LRP5: variants seen among roughly 807,000 people sequenced by gnomAD.
LRP5 encodes the protein LDL receptor related protein 5, also known as low-density lipoprotein receptor-related protein 5.
A neutral mutation model predicts 154.1 loss-of-function variants in LRP5; 62 were observed. That is an observed-to-expected ratio of 0.40 (90% confidence interval 0.33 to 0.50). The LOEUF (loss-of-function observed/expected upper bound fraction) is 0.50. Ranked by LOEUF, LRP5 falls within the 20% of genes least tolerant of loss-of-function variation. The pLI is 0.55. For missense variants in LRP5, 1,915 were observed against 2,336.7 expected (o/e 0.82, Z 3.72); for synonymous variants, 966 against 1,011.5 (o/e 0.96, Z 0.85).
intron 7 of LRP5, among the ~76,000 whole-genome samples, chr11:68,397,972 T>TTGTGTGTGTGTGTGTGTG (rs113280059): frequency 0.049 from 6,922 of 142,072 alleles, 277 homozygotes; most frequent in South Asian, 0.067. Context: ...CTGTGTGTGT[T>TTGTGTGTGTGTGTGTGTG]TGTGTGTGTG....
chr11:68,348,342 G>A (rs2098615254), intron 2 of LRP5, 99 bp downstream of exon 2: 9 of 1,500,204 alleles, frequency 6.0e-6, no homozygotes, highest in Non-Finnish European at 7.3e-6. Flanking sequence ...CAGAAAAAGG[G>A]TGTGACTCTG....
At position 68,395,504 on chromosome 11, in the gene LRP5, C is replaced by T. The variant is rs950292471; in HGVS notation, c.1584+5452C>T. Among the ~76,000 whole-genome samples, 23 of 152,030 alleles carry T rather than the reference C, an allele frequency of 1.5e-4. 1 individual carries two copies. Among genetic ancestry groups the T allele is most frequent in the African/African-American group, 5.3e-4 (22 of 41,378 alleles). On this transcript the variant is annotated intron_variant, in intron 7 of 22. Transcript: ENST00000294304. Reference sequence around the variant, plus strand: ...GAGTGATGGCGCAGGGCACGGGTGTCTTTGGTGGCCAGAACTTGGGGACTG... The same window carrying T: ...GAGTGATGGCGCAGGGCACGGGTGTTTTTGGTGGCCAGAACTTGGGGACTG...
At position 68,386,170 on chromosome 11, in the gene LRP5, G is replaced by C. The variant is rs2098642873; in HGVS notation, c.1016-146G>C. ...ACGAGTGACCATGTAGCATGGGCTGGGTGCGTGTCACCTAACATCACCAGC... is the reference window on the plus strand; with the variant it reads ...ACGAGTGACCATGTAGCATGGGCTGCGTGCGTGTCACCTAACATCACCAGC... On this transcript the variant is annotated intron_variant, in intron 5 of 22. Transcript: ENST00000294304. The surrounding 1 kb of genome is among the most constrained non-coding windows in gnomAD (Gnocchi z 7.9). The C allele has an allele frequency of 1.1e-6, 1 of 890,064 alleles. No homozygotes were observed. The highest frequency in any genetic ancestry group is 1.6e-5 in the African/African-American group (1 of 60,822). 55.1% of individuals were successfully genotyped at this position (890,064 alleles called of 1,614,324 possible).
chr11:68,316,559 A>C (rs2098593517), intron 1 of LRP5, among the ~76,000 whole-genome samples: 1 of 152,246 alleles, frequency 6.6e-6, no homozygotes, highest in South Asian at 2.1e-4. Context: ...GGTGTGAGCC[A>C]TCACGCCCGG....
Position 68,403,790 on chromosome 11 carries a change from C to T in LRP5, c.1801+91C>T, listed in dbSNP as rs1591284955. On this transcript the variant is annotated intron_variant, in intron 8 of 22. Coordinates refer to ENST00000294304, the MANE Select transcript of LRP5 (RefSeq NM_002335.4). Reference sequence around the variant, plus strand: ...TCCATGCCTGGGCATAAGTGTTGAGCTCAGGTGCCCCGACCTGGGGAAGGG... The same window carrying T: ...TCCATGCCTGGGCATAAGTGTTGAGTTCAGGTGCCCCGACCTGGGGAAGGG... The T allele has an allele frequency of 3.6e-5, 54 of 1,496,118 alleles. 3 individuals are homozygous for T. The South Asian group carries it at 6.2e-4, about 17-fold the overall frequency. 92.7% of individuals were successfully genotyped at this position (1,496,118 alleles called of 1,614,324 possible). A position where few individuals can be genotyped will look rare whatever the true frequency, so the allele number is the denominator to read the frequency against.
At chr11:68,312,888 G>A in intron 1 of LRP5, 83 bp downstream of exon 1, 2 of 781,292 alleles carry the variant, frequency 2.6e-6, no homozygotes, top group East Asian at 1.2e-4. Context: ...CGCGGGCGCC[G>A]CCGCCGTCTC....
upstream of LRP5, among the ~76,000 whole-genome samples, chr11:68,310,429 G>A (rs1407093849): frequency 6.6e-6 from 1 of 152,210 alleles, no homozygotes; most frequent in Non-Finnish European, 1.5e-5. Context: ...AGACCAGCCA[G>A]ACCAACATGG....
At chr11:68,377,685 A>G (rs938459414) in intron 5 of LRP5, among the ~76,000 whole-genome samples, 2 of 152,188 alleles carry the variant, frequency 1.3e-5, no homozygotes, top group African/African-American at 2.4e-5. Flanking sequence ...CGCAGTGGAC[A>G]GTGGCCTGCA....
chr11:68,349,434 C>T (rs1221870204), intron 2 of LRP5, among the ~76,000 whole-genome samples: 1 of 152,150 alleles, frequency 6.6e-6, no homozygotes, highest in Non-Finnish European at 1.5e-5. Context: ...GTATGGTGGG[C>T]GGCCTGGGAA....
At chr11:68,300,224 G>T in the LRP5 span, among the ~76,000 whole-genome samples, 1 of 149,102 alleles carries the variant, frequency 6.7e-6, no homozygotes, top group Non-Finnish European at 1.5e-5. Context: ...AGAATCCCGT[G>T]GCGTTTACAA....
intron 22 of LRP5, 148 bp downstream of exon 22, chr11:68,446,681 C>T: frequency 1.4e-6 from 1 of 737,410 alleles, no homozygotes; most frequent in Non-Finnish European, 2.4e-6. Flanking sequence ...TCTGCTCTGC[C>T]AACCACACTA....
intron 1 of LRP5, among the ~76,000 whole-genome samples, chr11:68,326,503 G>A (rs1362020320): frequency 6.6e-6 from 1 of 152,200 alleles, no homozygotes; most frequent in African/African-American, 2.4e-5. Flanking sequence ...CTGCCCACCC[G>A]TCTTCCCTCG....
the LRP5 span, among the ~76,000 whole-genome samples, chr11:68,303,251 C>T: frequency 6.6e-6 from 1 of 152,160 alleles, no homozygotes; most frequent in Non-Finnish European, 1.5e-5. Context: ...CTTGCCTCAG[C>T]CTCCCGATTA....
At chr11:68,391,144 T>A (rs1478129321) in intron 7 of LRP5, among the ~76,000 whole-genome samples, 1 of 152,190 alleles carries the variant, frequency 6.6e-6, no homozygotes, top group Non-Finnish European at 1.5e-5. Flanking sequence ...AAATTTTGTA[T>A]TTTTAGTAGA....
chr11:68,323,104 TTTGA>T (rs1401800961), intron 1 of LRP5, among the ~76,000 whole-genome samples: 1 of 152,172 alleles, frequency 6.6e-6, no homozygotes, highest in Non-Finnish European at 1.5e-5. Flanking sequence ...TCTTGGTGGT[TTTGA>T]TTGATTTATT....
At chr11:68,320,910 G>A (rs1222738541) in intron 1 of LRP5, among the ~76,000 whole-genome samples, 1 of 151,990 alleles carries the variant, frequency 6.6e-6, no homozygotes, top group East Asian at 1.9e-4. Context: ...ATATTAAGAA[G>A]CTTCATATAA....
chr11:68,311,068 A>G (rs2098587487), upstream of LRP5, among the ~76,000 whole-genome samples: 1 of 152,106 alleles, frequency 6.6e-6, no homozygotes, highest in Non-Finnish European at 1.5e-5. Context: ...TGAGTGGGTG[A>G]CAGGTGGCAG....
At chr11:68,344,047 C>T (rs145895068) in intron 1 of LRP5, among the ~76,000 whole-genome samples, 5 of 152,132 alleles carry the variant, frequency 3.3e-5, no homozygotes, top group Non-Finnish European at 7.4e-5. Flanking sequence ...TTCCCCCGCC[C>T]GAGGGACTTC....
chr11:68,346,890 C>T (rs181002423), intron 1 of LRP5, among the ~76,000 whole-genome samples: 8 of 152,286 alleles, frequency 5.3e-5, no homozygotes, highest in East Asian at 1.9e-4. Flanking sequence ...CCTCCTGGTC[C>T]GACGTCTGAG....
Sources: allele counts gnomAD v4.1 joint callset (sites outside exome capture counted in the v4.1 genomes callset), GRCh38; gene constraint gnomAD v4.1.1; non-coding constraint Gnocchi (gnomAD v3.1); transcripts MANE v1.5; gene names NCBI Gene and HGNC (gene_info 2026-07-23, HGNC 2026-07-21).